KNL1: variants seen among roughly 807,000 people sequenced by gnomAD.
The protein encoded by KNL1 is kinetochore scaffold 1.
Under a neutral mutation model 201.3 loss-of-function variants are expected in KNL1, and 66 were observed. The observed-to-expected ratio is 0.33, with a 90% CI of 0.27 to 0.40. The LOEUF is 0.40. Among genes scored for constraint, KNL1 ranks in the 10% least tolerant of loss-of-function variants. The pLI, the probability that KNL1 is intolerant of heterozygous loss-of-function variation, is 1.00. For missense variants in KNL1, 2,815 were observed against 2,690.5 expected, an observed-to-expected ratio of 1.05 and a Z score of -1.02; for synonymous variants, 895 against 899.2, an observed-to-expected ratio of 1.00 and a Z score of 0.08.
chr15:40,638,188 A>C (rs548165834), intron 13 of KNL1, among the ~76,000 whole-genome samples: 1 of 144,768 alleles, frequency 6.9e-6, no homozygotes, highest in South Asian at 2.2e-4. Flanking sequence ...ACTCTATCTC[A>C]AAAGAAAGAA....
Position 40,626,350 on chromosome 15 carries a change from T to C in KNL1, c.5376+710T>C, listed in dbSNP as rs549629087. 4.0e-3 allele frequency among the ~76,000 whole-genome samples: 605 copies of C among 151,338 alleles called. 7 individuals carry two copies. The highest frequency in any genetic ancestry group is 0.014 in the African/African-American group (584 of 41,272). ...TTCTTTTTTTTTTTTTTTGTATTTT[T>C]AGTAGAGATTGGGTTTCCCCATGTT... is the stretch of plus-strand genomic sequence containing the variant. On this transcript the variant is annotated intron_variant, in intron 10 of 25. Coordinates refer to ENST00000399668, the MANE Select transcript of KNL1 (RefSeq NM_144508.5).
At chr15:40,643,166 G>T (rs750135445) in intron 14 of KNL1, 15 of 152,088 alleles carry the variant, frequency 9.9e-5, no homozygotes, top group Non-Finnish European at 1.6e-4. Context: ...CCTTTGAACT[G>T]AATTGGAAAC....
chr15:40,630,643 C>T (rs1205075714), intron 13 of KNL1, among the ~76,000 whole-genome samples: 16 of 152,124 alleles, frequency 1.1e-4, no homozygotes, highest in Admixed American at 1.0e-3. Context: ...GTGAACTGCA[C>T]ACATGAAGGA....
At position 40,623,697 on chromosome 15, in the gene KNL1, G is replaced by A; in HGVS notation, c.3433G>A (p.Glu1145Lys). The change falls in exon 10 of 26, where the codon GAA becomes AAA. Residue 1145 changes from glutamate (E) to lysine (K), a missense_variant. Glu to Lys is a moderately conservative substitution (Grantham distance 56, BLOSUM62 1). Around this residue, in one of 3 missense-constraint regions of KNL1, gnomAD observed 2,464 missense variants for 2,291.7 expected, o/e 1.08. Coordinates refer to ENST00000399668, the MANE Select transcript of KNL1 (RefSeq NM_144508.5). ...AGAATGTAAAACTCTCCTGCCAAAT[G>A]AAATAGCTATTAGGCCCATGGACAA... is the stretch of plus-strand genomic sequence containing the variant. Reference protein sequence around the residue: ...ALECKTLLPNEIAIRPMDKTV... With the variant: ...ALECKTLLPNKIAIRPMDKTV... 1 of 1,613,886 alleles carries A rather than the reference G, an allele frequency of 6.2e-7. No homozygotes were observed. Among genetic ancestry groups the A allele is most frequent in the South Asian group, 1.1e-5 (1 of 91,070 alleles).
chr15:40,640,770 G>A (rs1893203972), intron 13 of KNL1, 142 bp from the exon 14 acceptor site: 1 of 586,744 alleles, frequency 1.7e-6, no homozygotes, highest in Non-Finnish European at 3.0e-6. Flanking sequence ...CCAATTTTTT[G>A]TTTACTGGCA....
intron 12 of KNL1, 145 bp from the exon 13 acceptor site, chr15:40,629,128 T>G (rs2141731789): frequency 2.0e-6 from 1 of 491,184 alleles, no homozygotes; most frequent in East Asian, 3.5e-5. Context: ...TTAGATAAAA[T>G]CTGCTCATGT....
rs28859111 is a variant in KNL1, at chr15:40,632,025, G to C, written c.5682+2654G>C. 7.7e-3 allele frequency among the ~76,000 whole-genome samples: 1,125 copies of C among 145,690 alleles called. 14 individuals are homozygous for C. Among genetic ancestry groups the C allele is most frequent in the Non-Finnish European group, 0.011 (706 of 65,664 alleles). ...CCCTATCTCAAAAAAAAAAAAAAAA[G>C]AATAAATCCAAAAGCTATACTTTGA... On this transcript the variant is annotated intron_variant, in intron 13 of 25. Coordinates refer to ENST00000399668, the MANE Select transcript of KNL1 (RefSeq NM_144508.5).
In KNL1 at chr15:40,623,334, A is replaced by G. The variant is rs777835170; in HGVS notation, c.3070A>G (p.Asn1024Asp). 1.2e-6 allele frequency: 2 copies of G among 1,613,988 alleles called. No individual in the cohort carries two copies. The highest frequency in any genetic ancestry group is 1.7e-6 in the Non-Finnish European group (2 of 1,179,900). Residue 1024 changes from asparagine (N) to aspartate (D), a missense_variant, in exon 10 of 26, where the codon AAT becomes GAT. Asn to Asp is a conservative substitution (Grantham distance 23, BLOSUM62 1). This residue lies in a region of KNL1 where 2,464 missense variants were observed against 2,291.7 expected (regional missense o/e 1.08). Coordinates refer to ENST00000399668, the MANE Select transcript of KNL1 (RefSeq NM_144508.5). Reference sequence around the variant, plus strand: ...AACCCCTCTGGAGGAATGGTCTAATAATAGGGGCCCTGTAGAGGTAGCTGA... The same window carrying G: ...AACCCCTCTGGAGGAATGGTCTAATGATAGGGGCCCTGTAGAGGTAGCTGA... ...QLTPLEEWSNNRGPVEVADNM... is the reference protein window; with the variant it reads ...QLTPLEEWSNDRGPVEVADNM...
intron 11 of KNL1, 61 bp from the exon 12 acceptor site, chr15:40,628,550 C>T: frequency 2.7e-6 from 3 of 1,124,220 alleles, no homozygotes; most frequent in Non-Finnish European, 4.0e-6. Context: ...GAATGATAAC[C>T]ACAATTAAGT....
rs112403514 is a variant in KNL1 at position 40,603,100 on chromosome 15, T to A, written c.35+134T>A. 9.7e-3 allele frequency: 5,520 copies of A among 570,282 alleles called. 31 individuals are homozygous for A. The highest frequency in any genetic ancestry group is 0.031 in the Middle Eastern group (64 of 2,060). 35.3% of individuals were successfully genotyped at this position (570,282 alleles called of 1,614,324 possible). A position where few individuals can be genotyped will look rare whatever the true frequency, so the allele number is the denominator to read the frequency against. ...AAGAAAAAGTAGTAGTTTTTTTTTT[T>A]AAATTATACTTTAAGTTCTAGGGTA... On this transcript the variant is annotated intron_variant, in intron 2 of 25. Transcript: ENST00000399668.
Position 40,622,603 on chromosome 15 carries a change from A to C in KNL1, c.2339A>C (p.Gln780Pro). Reference sequence around the variant, plus strand: ...ATTGGATTTGGTCCTTCTGAACTACAAGAACTTGGTAAAACTAATTTAGAA... The same window carrying C: ...ATTGGATTTGGTCCTTCTGAACTACCAGAACTTGGTAAAACTAATTTAGAA... ...VVIGFGPSEL[Q>P]ELGKTNLEHT... Residue 780 changes from glutamine (Q) to proline (P), a missense_variant, in exon 10 of 26, where the codon CAA becomes CCA. Transcript: ENST00000399668. The C allele has an allele frequency of 6.2e-7, 1 of 1,607,450 alleles. No individual in the cohort carries two copies. Among genetic ancestry groups the C allele is most frequent in the Non-Finnish European group, 8.5e-7 (1 of 1,177,342 alleles).
chr15:40,657,662 C>T (rs1000228923), intron 24 of KNL1, among the ~76,000 whole-genome samples, 189 bp downstream of exon 24: 4 of 152,174 alleles, frequency 2.6e-5, no homozygotes, highest in African/African-American at 4.8e-5. Context: ...CATTCCTTGG[C>T]TTGTAAATGC....
chr15:40,605,197 A>G (rs753002897), intron 3 of KNL1, 48 bp downstream of exon 3: 11 of 1,023,782 alleles, frequency 1.1e-5, no homozygotes, highest in African/African-American at 1.6e-5. Flanking sequence ...TTATTTAATG[A>G]TAACCATATA....
At chr15:40,661,019 G>A (rs1370007850) in intron 25 of KNL1, among the ~76,000 whole-genome samples, 1 of 152,172 alleles carries the variant, frequency 6.6e-6, no homozygotes, top group Non-Finnish European at 1.5e-5. Flanking sequence ...CCTAGACTGT[G>A]ACGTATTTTG....
chr15:40,631,991 A>G (rs1364532136), intron 13 of KNL1, among the ~76,000 whole-genome samples: 1 of 151,472 alleles, frequency 6.6e-6, no homozygotes, highest in Non-Finnish European at 1.5e-5. Context: ...CCTGGTCAAC[A>G]GAACAAGACC....
rs1355477032 is a variant in KNL1 at position 40,623,597 on chromosome 15, A to G, written c.3333A>G (p.Ala1111=). 1 of 1,613,594 alleles carries G rather than the reference A, an allele frequency of 6.2e-7. No individual in the cohort carries two copies. The highest frequency in any genetic ancestry group is 8.5e-7 in the Non-Finnish European group (1 of 1,179,900). ...AGGATAAAGAGGACTTCCATTTGGC[A>G]GGGGCTTCTAAAACTATTTTGTATT... The part of the protein sequence containing the change: ...ALEDKEDFHL[A]GASKTILYSC... Residue 1111 remains alanine (A), a synonymous_variant, in exon 10 of 26, where the codon GCA becomes GCG. Transcript: ENST00000399668.
Position 40,621,073 on chromosome 15 carries a change from T to C in KNL1, c.809T>C (p.Ile270Thr). 2 of 1,613,092 alleles carry C rather than the reference T, an allele frequency of 1.2e-6. No homozygotes were observed. The highest frequency in any genetic ancestry group is 1.7e-6 in the Non-Finnish European group (2 of 1,179,608). The change falls in exon 10 of 26, where the codon ATT becomes ACT. Residue 270 changes from isoleucine (I) to threonine (T), a missense_variant. Ile to Thr is a moderately conservative substitution (Grantham distance 89). Around this residue, in one of 3 missense-constraint regions of KNL1, gnomAD observed 2,464 missense variants for 2,291.7 expected, o/e 1.08. Coordinates refer to ENST00000399668, the MANE Select transcript of KNL1 (RefSeq NM_144508.5). Reference protein sequence around the residue: ...SLKEDENNSNITRLFREKDDG... With the variant: ...SLKEDENNSNTTRLFREKDDG... ...AAGGAAGATGAAAATAACAGTAATA[T>C]TACTAGGCTCTTTAGAGAAAAAGAT...
At position 40,622,283 on chromosome 15, in the gene KNL1, C is replaced by T. The variant is rs1378122904; in HGVS notation, c.2019C>T (p.Val673=). 1.2e-6 allele frequency: 2 copies of T among 1,613,816 alleles called. No homozygotes were observed. The highest frequency in any genetic ancestry group is 1.7e-6 in the Non-Finnish European group (2 of 1,179,882). Residue 673 remains valine (V), a synonymous_variant, in exon 10 of 26, where the codon GTC becomes GTT. Coordinates refer to ENST00000399668, the MANE Select transcript of KNL1 (RefSeq NM_144508.5). ...AGATAGCAACAAGCCATAATATAGT[C>T]TACTGTGGTGGAGTTCTTGATAAAC... ...NQEIATSHNI[V]YCGGVLDKQI...
At chr15:40,658,536 A>G (rs1484261880) in intron 24 of KNL1, among the ~76,000 whole-genome samples, 1 of 115,774 alleles carries the variant, frequency 8.6e-6, no homozygotes, top group Non-Finnish European at 1.8e-5. Context: ...TCAAAAAAAA[A>G]AAAAAAAAAA....
Sources: gnomAD v4.1 joint callset for allele counts (sites outside exome capture counted in the v4.1 genomes callset) on GRCh38, gnomAD v4.1.1 for gene constraint, gnomAD v4.1.1 regional missense constraint, MANE v1.5 for transcripts, NCBI Gene and HGNC (gene_info 2026-07-23, HGNC 2026-07-21) for gene names.